Variants in CACNA1A observed in about 807,000 individuals in gnomAD.
CACNA1A encodes voltage-dependent P/Q-type calcium channel subunit alpha-1A.
Under a neutral mutation model 262.4 loss-of-function variants are expected in CACNA1A, and 57 were observed. The ratio of observed to expected loss-of-function variants is 0.22; its 90% CI spans 0.18 to 0.27. The LOEUF is 0.27. Ranked by LOEUF, CACNA1A falls within the 10% of genes least tolerant of loss-of-function variation. The probability of loss-of-function intolerance (pLI) is 1.00; values close to 1 mark genes in which losing one functional copy is unlikely to be tolerated. For missense variants in CACNA1A, 2,526 were observed against 3,562.8 expected (o/e 0.71, Z 7.41); for synonymous variants, 1,431 against 1,419.3 (o/e 1.01, Z -0.18).
At chr19:13,280,385 G>T (rs1199477471) in intron 22 of CACNA1A, among the ~76,000 whole-genome samples, 1 of 151,028 alleles carries the variant, frequency 6.6e-6, no homozygotes, top group African/African-American at 2.4e-5. Context: ...AGAGGTGGGG[G>T]TCTCACTATG....
rs148845972 is a variant in CACNA1A at position 13,347,859 on chromosome 19, G to A, written c.978+11747C>T. ...GAATGAAAAAGGGCATGGGTCAAAG[G>A]TGATTCCAAACATTAGCAACCACTG... On this transcript the variant is annotated intron_variant, in intron 6 of 46. Transcript: ENST00000360228. Among the ~76,000 whole-genome samples, 13 of 152,286 alleles carry A rather than the reference G, an allele frequency of 8.5e-5. No homozygotes were observed. The East Asian group carries it at 2.5e-3, about 29-fold the overall frequency.
chr19:13,346,660 ATATATATTTTTTT>A (rs2058790694), intron 6 of CACNA1A, among the ~76,000 whole-genome samples: 1 of 5,680 alleles, frequency 1.8e-4, no homozygotes, highest in Non-Finnish European at 2.7e-4. Context: ...ATATATATAT[ATATATATTTTTTT>A]TTTTTTTTTT....
At chr19:13,460,517 A>C (rs1014512679) in intron 1 of CACNA1A, among the ~76,000 whole-genome samples, 4 of 152,090 alleles carry the variant, frequency 2.6e-5, no homozygotes, top group African/African-American at 7.2e-5. Flanking sequence ...AGAAAAGAAA[A>C]TTTCAGCCTA....
chr19:13,332,404 A>T (rs1445222681), intron 9 of CACNA1A, among the ~76,000 whole-genome samples: 1 of 148,632 alleles, frequency 6.7e-6, no homozygotes, highest in Non-Finnish European at 1.5e-5. Context: ...TGTCTCAATT[A>T]AAAAAAAAAG....
intron 3 of CACNA1A, among the ~76,000 whole-genome samples, chr19:13,420,121 T>G (rs1568627967): frequency 1.3e-5 from 2 of 151,454 alleles, no homozygotes; most frequent in Admixed American, 6.6e-5. Flanking sequence ...GAGAAATGAT[T>G]AAAAAAGAGA....
chr19:13,288,464 G>A (rs893036912), intron 19 of CACNA1A, among the ~76,000 whole-genome samples: 4 of 151,956 alleles, frequency 2.6e-5, no homozygotes, highest in Admixed American at 2.0e-4. Context: ...GCTTGAACTC[G>A]TGGCCTACAG....
intron 3 of CACNA1A, among the ~76,000 whole-genome samples, chr19:13,431,645 G>A (rs2060505822): frequency 6.6e-6 from 1 of 152,078 alleles, no homozygotes; most frequent in African/African-American, 2.4e-5. Context: ...TAAAGGAATG[G>A]ATGAAGAAAA....
At chr19:13,246,315 G>C (rs956429936) in intron 30 of CACNA1A, among the ~76,000 whole-genome samples, 16 of 152,208 alleles carry the variant, frequency 1.1e-4, no homozygotes, top group African/African-American at 3.9e-4. Flanking sequence ...GGGGCCATGT[G>C]TGTCTAGGTG....
At chr19:13,347,362 G>A (rs2058811276) in intron 6 of CACNA1A, among the ~76,000 whole-genome samples, 1 of 151,830 alleles carries the variant, frequency 6.6e-6, no homozygotes, top group African/African-American at 2.4e-5. Flanking sequence ...CACGGTGCCC[G>A]GCCATTCGGG....
At position 13,332,883 on chromosome 19, in the gene CACNA1A, C is replaced by T. The variant is rs1354924503; in HGVS notation, c.1241G>A (p.Arg414Lys). The change falls in exon 9 of 47, where the codon AGG (arginine) becomes AAG (lysine). Residue 414 changes from arginine (R) to lysine (K), a missense_variant. Physicochemically the swap from Arg to Lys is conservative, Grantham distance 26. Transcript: ENST00000360228. ...LAEDETDGEQ[R>K]HPFDALRRTT... ...AGAGCAGTTACCATCAAAGGGATGCCTCTGCTCCCCGTCAGTTTCATCCTC... is the reference window on the plus strand; with the variant it reads ...AGAGCAGTTACCATCAAAGGGATGCTTCTGCTCCCCGTCAGTTTCATCCTC... The T allele has an allele frequency of 1.2e-6, 2 of 1,612,244 alleles. No individual in the cohort carries two copies. The highest frequency in any genetic ancestry group is 1.7e-5 in the Admixed American group (1 of 59,994).
At position 13,231,693 on chromosome 19, in the gene CACNA1A, A is replaced by G. The variant is rs1281724568; in HGVS notation, c.5400+17T>C. ...CTTAGGGAGCCCAGACGGCCCTCAC[A>G]GTGTCCACAGACTCACCAGAAACGA... On this transcript the variant is annotated intron_variant, in intron 35 of 46. Coordinates refer to ENST00000360228, the MANE Select transcript of CACNA1A (RefSeq NM_001127222.2). The G allele has an allele frequency of 2.5e-6, 4 of 1,604,666 alleles. No homozygotes were observed. Among genetic ancestry groups the G allele is most frequent in the Non-Finnish European group, 3.4e-6 (4 of 1,175,560 alleles).
At chr19:13,339,551 A>G (rs993905600) in intron 6 of CACNA1A, among the ~76,000 whole-genome samples, 2 of 152,204 alleles carry the variant, frequency 1.3e-5, no homozygotes, top group African/African-American at 2.4e-5. Context: ...GGTTTCAAAT[A>G]GCTAGAAGGA....
At chr19:13,346,613 TGA>T (rs2058767395) in intron 6 of CACNA1A, among the ~76,000 whole-genome samples, 3 of 95,360 alleles carry the variant, frequency 3.1e-5, no homozygotes, top group Non-Finnish European at 6.0e-5. Flanking sequence ...AATTTTTAAT[TGA>T]TTATATATAT....
At chr19:13,223,019 T>C (rs2055295255) in intron 38 of CACNA1A, among the ~76,000 whole-genome samples, 1 of 151,812 alleles carries the variant, frequency 6.6e-6, no homozygotes, top group Non-Finnish European at 1.5e-5. Flanking sequence ...AAAAATGTTT[T>C]TTTCTTTTTC....
intron 38 of CACNA1A, chr19:13,215,309 CTGGT>C (rs2054962550): frequency 2.6e-5 from 3 of 115,868 alleles, no homozygotes; most frequent in East Asian, 2.3e-4. Context: ...CCGCGCCTGG[CTGGT>C]TGTTTTTTTT....
chr19:13,255,675 TCC>T (rs2056527387), intron 28 of CACNA1A, among the ~76,000 whole-genome samples: 2 of 121,474 alleles, frequency 1.6e-5, no homozygotes, highest in African/African-American at 6.3e-5. Flanking sequence ...CCTCGCTCCC[TCC>T]CTCCTTCCTT....
At chr19:13,218,801 A>AG (rs1427684130) in intron 38 of CACNA1A, among the ~76,000 whole-genome samples, 1 of 152,082 alleles carries the variant, frequency 6.6e-6, no homozygotes, top group Non-Finnish European at 1.5e-5. Flanking sequence ...GCAATGGCAC[A>AG]GTCTCAGCTC....
Position 13,207,861 on chromosome 19 carries a change from GC to G in CACNA1A, c.6972del (p.Gln2324HisfsTer284). The stretch of plus-strand genomic sequence containing the variant: ...GCCCGGCCCGGCCTGGCCACCGCCT[GC>G]TGCTGCTGCTGCTGCTGCTGCTGCT... ...QQQQQQQQQQQQAVARPGRAA... is the reference protein window; with the variant it reads ...QQQQQQQQQQXQAVARPGRAA... On this transcript the variant is annotated frameshift_variant, in exon 47 of 47. Transcript: ENST00000360228. LOFTEE classifies it low-confidence loss of function (END_TRUNC). This position sits in a 1 kb window ranked among gnomAD's most constrained non-coding sequence, Gnocchi z 5.7. 7.6e-6 allele frequency: 1 copy of G among 131,038 alleles called. No homozygotes were observed. The highest frequency in any genetic ancestry group is 9.9e-6 in the Non-Finnish European group (1 of 101,190). The allele number at this position is 131,038 out of a possible 1,614,324, so 8.1% of individuals were successfully genotyped here. A position where few individuals can be genotyped will look rare whatever the true frequency, so the allele number is the denominator to read the frequency against.
Position 13,227,486 on chromosome 19 carries a change from T to C in CACNA1A, c.5570A>G (p.His1857Arg), listed in dbSNP as rs1161227117. 6.2e-7 allele frequency: 1 copy of C among 1,608,882 alleles called. No individual in the cohort carries two copies. The highest frequency in any genetic ancestry group is 8.5e-7 in the Non-Finnish European group (1 of 1,176,670). ...CCCCAGACCCAGGGGCGGAGACATG[T>C]GTCTCAGCATCTGATACATGTCCAG... The part of the protein sequence containing the change: ...PYLDMYQMLR[H>R]MSPPLGLGKK... The change falls in exon 37 of 47, where the codon CAC becomes CGC. Residue 1857 changes from histidine (H) to arginine (R), a missense_variant. By Grantham distance (29) the His-to-Arg change is conservative. Coordinates refer to ENST00000360228, the MANE Select transcript of CACNA1A (RefSeq NM_001127222.2).
Sources: allele counts gnomAD v4.1 joint callset (sites outside exome capture counted in the v4.1 genomes callset), GRCh38; gene constraint gnomAD v4.1.1; non-coding constraint Gnocchi (gnomAD v3.1); transcripts MANE v1.5; gene names NCBI Gene and HGNC (gene_info 2026-07-23, HGNC 2026-07-21).